Variants in DNAI7 observed in about 807,000 individuals in gnomAD.
The protein encoded by DNAI7 is dynein axonemal intermediate chain 7, also known as cancer susceptibility 1.
A neutral mutation model predicts 86.6 loss-of-function variants in DNAI7; 78 were observed. That is an observed-to-expected ratio of 0.90 (90% CI 0.75 to 1.09). The LOEUF (loss-of-function observed/expected upper bound fraction) is 1.09. Among genes scored for constraint, DNAI7 ranks in the 50% least tolerant of loss-of-function variants. The probability of loss-of-function intolerance (pLI) is 0.00; values close to 1 mark genes in which losing one functional copy is unlikely to be tolerated. For missense variants in DNAI7, 753 were observed against 810.2 expected (o/e 0.93, Z 0.86); for synonymous variants, 274 against 273.0 (o/e 1.00, Z -0.04).
At chr12:25,107,902 A>T, downstream of DNAI7, 1 of 1,614,234 alleles carries the variant, frequency 6.2e-7, no homozygotes, top group Admixed American at 1.7e-5. Context: ...TATTGCATTC[A>T]TTGTACTGTT....
intron 9 of DNAI7, among the ~76,000 whole-genome samples, 163 bp downstream of exon 9, chr12:25,144,202 T>C (rs1944541038): frequency 6.6e-6 from 1 of 152,216 alleles, no homozygotes; most frequent in South Asian, 2.1e-4. Context: ...TGACTATTAA[T>C]GGAAGGCAAG....
chr12:25,146,522 C>T (rs1308340916), intron 8 of DNAI7, among the ~76,000 whole-genome samples: 1 of 150,738 alleles, frequency 6.6e-6, no homozygotes, highest in Admixed American at 6.7e-5. Flanking sequence ...ATCGCTTGAA[C>T]CTAGGAGGCA....
chr12:25,108,903 G>A (rs1949513783), intron 15 of DNAI7, 80 bp from the exon 16 acceptor site: 11 of 861,526 alleles, frequency 1.3e-5, no homozygotes, highest in Middle Eastern at 3.5e-4. Context: ...ATTATTTGAA[G>A]GGCTCAATTT....
intron 2 of DNAI7, among the ~76,000 whole-genome samples, chr12:25,188,997 A>G (rs566849261): frequency 6.8e-6 from 1 of 146,320 alleles, no homozygotes; most frequent in South Asian, 2.2e-4. Context: ...AGTTTCTAAA[A>G]GAATATCAGG....
intron 12 of DNAI7, among the ~76,000 whole-genome samples, chr12:25,117,806 G>A (rs1228761273): frequency 1.3e-5 from 2 of 151,874 alleles, no homozygotes; most frequent in African/African-American, 4.8e-5. Flanking sequence ...CAATACTTGT[G>A]TACAATTTAT....
intron 2 of DNAI7, among the ~76,000 whole-genome samples, chr12:25,180,681 G>A (rs1949412153): frequency 6.6e-6 from 1 of 152,106 alleles, no homozygotes; most frequent in Non-Finnish European, 1.5e-5. Flanking sequence ...ACAAACAATG[G>A]GGAAAGGACA....
At chr12:25,115,732 C>T (rs73081710) in intron 12 of DNAI7, among the ~76,000 whole-genome samples, 79 of 152,248 alleles carry the variant, frequency 5.2e-4, no homozygotes, top group Non-Finnish European at 9.7e-4. Flanking sequence ...TAAAATGGTA[C>T]GGCTACTTTG....
At chr12:25,118,105 T>C (rs915745288) in intron 12 of DNAI7, among the ~76,000 whole-genome samples, 1 of 150,358 alleles carries the variant, frequency 6.7e-6, no homozygotes, top group South Asian at 2.1e-4. Context: ...CATTAGTTTT[T>C]GTATTTTTAG....
intron 11 of DNAI7, among the ~76,000 whole-genome samples, chr12:25,120,883 T>G (rs1941193631): frequency 6.6e-6 from 1 of 152,210 alleles, no homozygotes; most frequent in African/African-American, 2.4e-5. Context: ...TCATGTGGAC[T>G]GGTGATTTTC....
At chr12:25,173,922 T>TC (rs1323299469) in intron 2 of DNAI7, among the ~76,000 whole-genome samples, 4 of 141,858 alleles carry the variant, frequency 2.8e-5, no homozygotes, top group Non-Finnish European at 6.1e-5. Flanking sequence ...ATGGAATATA[T>TC]ATATCATATA....
rs1491372855 is a variant in DNAI7 at position 25,174,651 on chromosome 12, A to ATATATCATATATAT, written c.22-13455_22-13454insATATATATGATATA. ...GATATATATCATATATATGGAATAT[A>ATATATCATATATAT]GATATCATATATATGGAATATATAT... On this transcript the variant is annotated intron_variant, in intron 2 of 15. Coordinates refer to ENST00000395987, the MANE Select transcript of DNAI7 (RefSeq NM_018272.5). 8.3e-3 allele frequency among the ~76,000 whole-genome samples: 1,009 copies of ATATATCATATATAT among 121,732 alleles called. 129 individuals are homozygous for ATATATCATATATAT. Among genetic ancestry groups the ATATATCATATATAT allele is most frequent in the African/African-American group, 0.029 (895 of 31,260 alleles). The allele number at this position is 121,732 out of a possible 152,430, so 79.9% of individuals were successfully genotyped here.
Position 25,108,841 on chromosome 12 carries a change from T to TAAAAAAAAAAAAAAAAAAAAAAAAA in DNAI7, c.1894-19_1894-18insTTTTTTTTTTTTTTTTTTTTTTTTT, listed in dbSNP as rs1949501051. 1 of 310,448 alleles carries TAAAAAAAAAAAAAAAAAAAAAAAAA rather than the reference T, an allele frequency of 3.2e-6. No homozygotes were observed. The highest frequency in any genetic ancestry group is 1.0e-4 in the African/African-American group (1 of 9,826). 19.2% of individuals were successfully genotyped at this position (310,448 alleles called of 1,614,324 possible). Reference sequence around the variant, plus strand: ...TCCCTCACCTAAAAAAAAAAAAAATTCAAGCAAGTTGTTAATAATTCCTCT... The same window carrying TAAAAAAAAAAAAAAAAAAAAAAAAA: ...TCCCTCACCTAAAAAAAAAAAAAATTAAAAAAAAAAAAAAAAAAAAAAAAACAAGCAAGTTGTTAATAATTCCTCT... On this transcript the variant is annotated intron_variant, in intron 15 of 15. Transcript: ENST00000395987.
intron 2 of DNAI7, among the ~76,000 whole-genome samples, chr12:25,166,717 C>A (rs545821082): frequency 6.6e-6 from 1 of 152,050 alleles, no homozygotes; most frequent in Admixed American, 6.6e-5. Context: ...ACACAAGAGC[C>A]GGGACCACAC....
chr12:25,186,335 A>G (rs1950033535), intron 2 of DNAI7, among the ~76,000 whole-genome samples: 2 of 152,218 alleles, frequency 1.3e-5, no homozygotes, highest in Non-Finnish European at 2.9e-5. Context: ...TTACTAATAC[A>G]CTAATCTTTC....
chr12:25,148,969 TTTC>T (rs1003004041), intron 7 of DNAI7, among the ~76,000 whole-genome samples: 1 of 152,042 alleles, frequency 6.6e-6, no homozygotes, highest in Non-Finnish European at 1.5e-5. Context: ...AACATTATAG[TTTC>T]TTCTTCTTCT....
intron 8 of DNAI7, among the ~76,000 whole-genome samples, chr12:25,145,368 A>C (rs1312612989): frequency 6.6e-6 from 1 of 152,010 alleles, no homozygotes; most frequent in Non-Finnish European, 1.5e-5. Flanking sequence ...CACCCCAATC[A>C]CCATCAAAGT....
At chr12:25,144,859 T>C (rs139661817) in intron 8 of DNAI7, among the ~76,000 whole-genome samples, 182 bp from the exon 9 acceptor site, 9 of 152,234 alleles carry the variant, frequency 5.9e-5, no homozygotes, top group African/African-American at 1.2e-4. Context: ...TCAAAACAGT[T>C]TATTGGGATC....
At chr12:25,191,707 C>CAAAT (rs964589976) in intron 1 of DNAI7, among the ~76,000 whole-genome samples, 16 of 151,946 alleles carry the variant, frequency 1.1e-4, no homozygotes, top group African/African-American at 3.6e-4. Context: ...AAAAAATAAA[C>CAAAT]AAATAAATAA....
chr12:25,168,617 G>A (rs905929812), intron 2 of DNAI7, among the ~76,000 whole-genome samples: 9 of 152,118 alleles, frequency 5.9e-5, no homozygotes, highest in South Asian at 2.1e-4. Flanking sequence ...GGAGGACTCC[G>A]TATATTCTTA....
Sources: gnomAD v4.1 joint callset for allele counts (sites outside exome capture counted in the v4.1 genomes callset) on GRCh38, gnomAD v4.1.1 for gene constraint, MANE v1.5 for transcripts, NCBI Gene and HGNC (gene_info 2026-07-23, HGNC 2026-07-21) for gene names.